Variants in VPS13D observed in about 807,000 individuals in gnomAD.
VPS13D encodes the protein vacuolar protein sorting 13 homolog D, also known as intermembrane lipid transfer protein VPS13D.
A neutral mutation model predicts 461.9 loss-of-function variants in VPS13D; 187 were observed. The ratio of observed to expected loss-of-function variants is 0.40; its 90% CI spans 0.36 to 0.46. The LOEUF (loss-of-function observed/expected upper bound fraction) is 0.46, where lower values mean the gene tolerates loss of function less well. VPS13D is among the 20% of genes least tolerant of loss of function. VPS13D has a pLI of 0.60. For missense variants in VPS13D, 4,711 were observed against 5,364.9 expected (o/e 0.88, Z 3.81); for synonymous variants, 1,951 against 1,986.3 (o/e 0.98, Z 0.47).
rs777265412 is a variant in VPS13D at position 12,508,854 on chromosome 1, AT to A, written c.13036-38del. 31 of 1,604,828 alleles carry A rather than the reference AT, an allele frequency of 1.9e-5. No individual in the cohort carries two copies. In the Admixed American group the frequency reaches 3.4e-4, roughly 18 times the overall value. ...GTGGATCTGATTCCTGGATTTCCCC[AT>A]CCTGGGGACAGGTGACCCATCCTGT... is the stretch of plus-strand genomic sequence containing the variant. On this transcript the variant is annotated intron_variant, in intron 69 of 69. Coordinates refer to ENST00000620676, the MANE Select transcript of VPS13D (RefSeq NM_015378.4).
chr1:12,311,736 T>C, intron 28 of VPS13D, 77 bp from the exon 29 acceptor site: 4 of 1,581,838 alleles, frequency 2.5e-6, no homozygotes, highest in East Asian at 2.2e-5. Flanking sequence ...AACAAGCAAA[T>C]TAGATTTCTT....
In VPS13D at chr1:12,475,889, A is replaced by T. The variant is rs560128369; in HGVS notation, c.12662+15493A>T. ...GCTGATGGCCAAGAAATCAATGTTTAAAAAAAAAAAAACAAAAAACAAAAA... is the reference window on the plus strand; with the variant it reads ...GCTGATGGCCAAGAAATCAATGTTTTAAAAAAAAAAAACAAAAAACAAAAA... On this transcript the variant is annotated intron_variant, in intron 67 of 69. Coordinates refer to ENST00000620676, the MANE Select transcript of VPS13D (RefSeq NM_015378.4). Among the ~76,000 whole-genome samples the T allele has an allele frequency of 4.1e-4, 55 of 133,402 alleles. No homozygotes were observed. The East Asian group carries it at 4.5e-3, about 11-fold the overall frequency. 87.5% of individuals were successfully genotyped at this position (133,402 alleles called of 152,430 possible).
At chr1:12,306,042 G>C (rs1341538686) in intron 26 of VPS13D, among the ~76,000 whole-genome samples, 2 of 151,810 alleles carry the variant, frequency 1.3e-5, no homozygotes, top group Non-Finnish European at 2.9e-5. Flanking sequence ...GGAGTGCAGT[G>C]ATGCGATCTT....
chr1:12,233,702 G>C (rs1640057909), intron 1 of VPS13D, among the ~76,000 whole-genome samples: 1 of 152,148 alleles, frequency 6.6e-6, no homozygotes. Context: ...GTTTTGGTTT[G>C]GCCCTCCAGT....
intron 60 of VPS13D, among the ~76,000 whole-genome samples, chr1:12,399,660 A>G (rs1488626117): frequency 6.6e-6 from 1 of 151,854 alleles, no homozygotes; most frequent in Non-Finnish European, 1.5e-5. Flanking sequence ...TCTCTACTAA[A>G]AATATAAAAT....
intron 67 of VPS13D, among the ~76,000 whole-genome samples, chr1:12,468,342 G>A (rs1220257567): frequency 6.6e-6 from 1 of 152,202 alleles, no homozygotes; most frequent in Non-Finnish European, 1.5e-5. Context: ...AGATTTTCAT[G>A]ACTATCCCAT....
intron 68 of VPS13D, among the ~76,000 whole-genome samples, chr1:12,501,274 A>G (rs1388526026): frequency 1.3e-5 from 2 of 152,138 alleles, no homozygotes; most frequent in Non-Finnish European, 2.9e-5. Flanking sequence ...TACAAACCTT[A>G]TAGTAACATA....
At chr1:12,292,531 C>G (rs1381745807) in intron 23 of VPS13D, among the ~76,000 whole-genome samples, 1 of 150,602 alleles carries the variant, frequency 6.6e-6, no homozygotes, top group Non-Finnish European at 1.5e-5. Context: ...CCTCTACCTC[C>G]CAGGCTCAAG....
At chr1:12,266,762 A>G in intron 13 of VPS13D, 119 bp from the exon 14 acceptor site, 1 of 993,616 alleles carries the variant, frequency 1.0e-6, no homozygotes, top group Non-Finnish European at 1.4e-6. Flanking sequence ...TGTTTGTTTA[A>G]TTTCAAGGAA....
At chr1:12,504,819 T>C (rs1039752341) in intron 68 of VPS13D, among the ~76,000 whole-genome samples, 2 of 152,114 alleles carry the variant, frequency 1.3e-5, no homozygotes, top group African/African-American at 4.8e-5. Context: ...TGTTCCAGGA[T>C]GGAAAGCACA....
chr1:12,312,798 G>A (rs1642790943), intron 29 of VPS13D, among the ~76,000 whole-genome samples: 1 of 152,148 alleles, frequency 6.6e-6, no homozygotes, highest in African/African-American at 2.4e-5. Flanking sequence ...TAAAAGGTTT[G>A]TATTTAGCTT....
rs554741887 is a variant in VPS13D, at chr1:12,263,524, T to C, written c.1594+1444T>C. Among the ~76,000 whole-genome samples, 4 of 152,382 alleles carry C rather than the reference T, an allele frequency of 2.6e-5. No homozygotes were observed. In the East Asian group the frequency reaches 7.7e-4, roughly 29 times the overall value. On this transcript the variant is annotated intron_variant, in intron 13 of 69. Transcript: ENST00000620676. ...AGGATTGACTTGACAGTATTTGCCTTCTTTTTGTGACTTTGAATTAAAGGT... is the reference window on the plus strand; with the variant it reads ...AGGATTGACTTGACAGTATTTGCCTCCTTTTTGTGACTTTGAATTAAAGGT...
intron 65 of VPS13D, among the ~76,000 whole-genome samples, chr1:12,444,970 T>C (rs927360954): frequency 6.6e-6 from 1 of 152,230 alleles, no homozygotes; most frequent in Admixed American, 6.5e-5. Context: ...TAACTTTTTA[T>C]TTGCGGCAAG....
At chr1:12,312,034 TG>T in intron 29 of VPS13D, 109 bp downstream of exon 29, 3 of 880,046 alleles carry the variant, frequency 3.4e-6, no homozygotes. Context: ...ACAGATGGAA[TG>T]TTGTCTGCAG....
chr1:12,374,114 G>A (rs1644163617), intron 55 of VPS13D, among the ~76,000 whole-genome samples: 1 of 152,174 alleles, frequency 6.6e-6, no homozygotes, highest in South Asian at 2.1e-4. Flanking sequence ...AATTACTAAG[G>A]GCTGGGTGAC....
intron 2 of VPS13D, among the ~76,000 whole-genome samples, chr1:12,236,058 G>A (rs1640137611): frequency 6.6e-6 from 1 of 152,182 alleles, no homozygotes; most frequent in Admixed American, 6.5e-5. Context: ...TGTAACAACT[G>A]TGTTTATCTG....
intron 50 of VPS13D, among the ~76,000 whole-genome samples, chr1:12,361,881 C>T (rs559128683): frequency 5.3e-5 from 8 of 152,216 alleles, no homozygotes; most frequent in East Asian, 3.9e-4. Context: ...TTTTTTGAGA[C>T]GGAGTCTCAC....
At chr1:12,487,979 C>T (rs1645823489) in intron 67 of VPS13D, among the ~76,000 whole-genome samples, 1 of 152,186 alleles carries the variant, frequency 6.6e-6, no homozygotes, top group Admixed American at 6.5e-5. Context: ...TTGATTTGCT[C>T]TAGCTCGTTT....
Position 12,276,096 on chromosome 1 carries a change from G to C in VPS13D, c.2508G>C (p.Lys836Asn). ...IMVGRVKDNWKHVQDIDVGPT... is the reference protein window; with the variant it reads ...IMVGRVKDNWNHVQDIDVGPT... ...TTGGACGAGTGAAAGACAATTGGAA[G>C]CATGTCCAGGATATTGACGTGGGAC... Residue 836 changes from lysine (K) to asparagine (N), a missense_variant, in exon 19 of 70, where the codon AAG becomes AAC. Lys to Asn is a moderately conservative substitution (Grantham distance 94). This residue lies in a region of VPS13D where 4,411 missense variants were observed against 4,937.8 expected (regional missense o/e 0.89). Transcript: ENST00000620676. This position sits in a 1 kb window ranked among gnomAD's most constrained non-coding sequence, Gnocchi z 4.5. 1 of 1,614,134 alleles carries C rather than the reference G, an allele frequency of 6.2e-7. No homozygotes were observed. Among genetic ancestry groups the C allele is most frequent in the Non-Finnish European group, 8.5e-7 (1 of 1,180,032 alleles).
Sources: allele counts gnomAD v4.1 joint callset (sites outside exome capture counted in the v4.1 genomes callset), GRCh38; gene constraint gnomAD v4.1.1; regional missense constraint gnomAD v4.1.1; non-coding constraint Gnocchi (gnomAD v3.1); transcripts MANE v1.5; gene names NCBI Gene and HGNC (gene_info 2026-07-23, HGNC 2026-07-21).